Variants in CUEDC2 observed in about 807,000 individuals in gnomAD.
CUEDC2 encodes the protein CUE domain-containing protein 2.
In CUEDC2, 10 loss-of-function variants were observed where a neutral mutation model predicts 36.0. The observed-to-expected ratio is 0.28, with a 90% CI of 0.17 to 0.47. CUEDC2 has a LOEUF of 0.47. CUEDC2 is among the 20% of genes least tolerant of loss of function. The pLI is 0.99. For synonymous variants in CUEDC2, 133 were observed against 141.8 expected (o/e 0.94, Z 0.44); for missense variants, 269 against 368.1 (o/e 0.73, Z 2.20).
At chr10:102,432,223 G>T (rs1024355803) in intron 1 of CUEDC2, among the ~76,000 whole-genome samples, 1 of 152,188 alleles carries the variant, frequency 6.6e-6, no homozygotes, top group Non-Finnish European at 1.5e-5. Context: ...CACAGGAAGT[G>T]GGACCGCGAT....
intron 1 of CUEDC2, among the ~76,000 whole-genome samples, chr10:102,429,792 T>C (rs1441437468): frequency 1.3e-5 from 2 of 148,628 alleles, no homozygotes; most frequent in African/African-American, 2.5e-5. Context: ...CAAAGGCCCA[T>C]GGCTGCTGCA....
At position 102,423,366 on chromosome 10, in the gene CUEDC2, G is replaced by A. The variant is rs538399204; in HGVS notation, c.*60C>T. 3 of 1,607,906 alleles carry A rather than the reference G, an allele frequency of 1.9e-6. No individual in the cohort carries two copies. Among genetic ancestry groups the A allele is most frequent in the Non-Finnish European group, 2.6e-6 (3 of 1,175,526 alleles). ...AGGGGGCCCCTGTGTAGGGGTATAG[G>A]GCTCCTGCATCCCTCTGGGATCTGA... On this transcript the variant is annotated 3_prime_UTR_variant, in exon 9 of 9. Coordinates refer to ENST00000369937, the MANE Select transcript of CUEDC2 (RefSeq NM_024040.3). The surrounding 1 kb of genome is among the most constrained non-coding windows in gnomAD (Gnocchi z 5.6).
intron 1 of CUEDC2, among the ~76,000 whole-genome samples, chr10:102,432,134 T>C (rs2061618764): frequency 6.6e-6 from 1 of 152,046 alleles, no homozygotes; most frequent in Non-Finnish European, 1.5e-5. Context: ...AGTCAGACCT[T>C]AGAGGCACCA....
rs2061590689 is a variant in CUEDC2, at chr10:102,424,991, G to A, written c.74+124C>T. ...AAAGGTGACAGGGACAGGATGAGAG[G>A]TAAGGCCTCTCAGCAAATCCTAGTC... On this transcript the variant is annotated intron_variant, in intron 2 of 8. Transcript: ENST00000369937. The surrounding 1 kb of genome is among the most constrained non-coding windows in gnomAD (Gnocchi z 4.2). 6.1e-6 allele frequency: 6 copies of A among 976,278 alleles called. No homozygotes were observed. In the Admixed American group the frequency reaches 8.3e-5, roughly 13 times the overall value. The allele number at this position is 976,278 out of a possible 1,614,324, so 60.5% of individuals were successfully genotyped here. A position where few individuals can be genotyped will look rare whatever the true frequency, so the allele number is the denominator to read the frequency against.
intron 2 of CUEDC2, 24 bp downstream of exon 2, chr10:102,425,091 G>A (rs760866177): frequency 6.2e-7 from 1 of 1,602,466 alleles, no homozygotes; most frequent in East Asian, 2.2e-5. Flanking sequence ...ACTGACATGA[G>A]CCTTCCGGGG....
At chr10:102,430,936 T>C (rs945713997) in intron 1 of CUEDC2, among the ~76,000 whole-genome samples, 3 of 152,198 alleles carry the variant, frequency 2.0e-5, no homozygotes, top group Admixed American at 6.5e-5. Flanking sequence ...TTAGAGATCA[T>C]TGGTTGATGG....
rs1471019718 is a variant in CUEDC2 at position 102,425,163 on chromosome 10, G to A, written c.26C>T (p.Ala9Val). The A allele has an allele frequency of 9.9e-6, 16 of 1,613,726 alleles. No individual in the cohort carries two copies. Among genetic ancestry groups the A allele is most frequent in the South Asian group, 1.1e-5 (1 of 91,090 alleles). The change falls in exon 2 of 9, where the codon GCA becomes GTA. Residue 9 changes from alanine to valine, a missense_variant. Transcript: ENST00000369937. The stretch of plus-strand genomic sequence containing the variant: ...TGTCTGGACAAAGGCAAGGAGGGCT[G>A]CACTGACGATCCTCTCCAGCTCCAT... MELERIVS[A>V]ALLAFVQTHL...
At chr10:102,428,067 G>A (rs1461631579) in intron 1 of CUEDC2, among the ~76,000 whole-genome samples, 3 of 151,926 alleles carry the variant, frequency 2.0e-5, no homozygotes, top group Non-Finnish European at 2.9e-5. Flanking sequence ...TCAGCCTCCC[G>A]AGTAACTGGG....
chr10:102,425,466 C>T (rs894426053), intron 1 of CUEDC2, among the ~76,000 whole-genome samples: 21 of 136,892 alleles, frequency 1.5e-4, no homozygotes, highest in Non-Finnish European at 4.7e-5. Context: ...CACCCCCCTA[C>T]CCCATTCCCC....
In CUEDC2 at chr10:102,423,431, G is replaced by C; in HGVS notation, c.859C>G (p.His287Asp). 6.2e-7 allele frequency: 1 copy of C among 1,614,228 alleles called. No homozygotes were observed. Among genetic ancestry groups the C allele is most frequent in the Non-Finnish European group, 8.5e-7 (1 of 1,180,040 alleles). ...NLKPARKYRF[H>D] is the part of the protein sequence containing the mutation. ...GGCAGAGTCCGGCGAGTGCCTCAATGGAAGCGGTACTTTCTGGCTGGCTTG... is the reference window on the plus strand; with the variant it reads ...GGCAGAGTCCGGCGAGTGCCTCAATCGAAGCGGTACTTTCTGGCTGGCTTG... Residue 287 changes from histidine (H) to aspartate (D), a missense_variant, in exon 9 of 9, where the codon CAT (histidine) becomes GAT (aspartate). Transcript: ENST00000369937. This position sits in a 1 kb window ranked among gnomAD's most constrained non-coding sequence, Gnocchi z 5.6.
At position 102,424,046 on chromosome 10, in the gene CUEDC2, G is replaced by A. The variant is rs2061585658; in HGVS notation, c.544C>T (p.Leu182=). 6.2e-7 allele frequency: 1 copy of A among 1,614,006 alleles called. No homozygotes were observed. Among genetic ancestry groups the A allele is most frequent in the Non-Finnish European group, 8.5e-7 (1 of 1,180,008 alleles). ...GGCCCCTCTTCCTTTCCCTCTACCA[G>A]CATCTGCACAGCTTCTTCCAAGTCC... ...RGDLEEAVQM[L]VEGKEEGPAA... is the part of the protein sequence containing the mutation. Residue 182 remains leucine, a synonymous_variant, in exon 6 of 9, where the codon CTG becomes TTG. Transcript: ENST00000369937. The surrounding 1 kb of genome is among the most constrained non-coding windows in gnomAD (Gnocchi z 4.2).
In CUEDC2 at chr10:102,424,167, A is replaced by G. The variant is rs1473908386; in HGVS notation, c.423T>C (p.Ala141=). ...CCACCCCTGGCAGAAGCTCCTCCTC[A>G]GCGCCAGTTGCCTAAGGGTACAAAC... ...AADTQDEATG[A]EEELLPGVDV... is the part of the protein sequence containing the mutation. The change falls in exon 6 of 9, where the codon GCT becomes GCC. Residue 141 remains alanine, a synonymous_variant. Transcript: ENST00000369937. This position sits in a 1 kb window ranked among gnomAD's most constrained non-coding sequence, Gnocchi z 4.2. 6.8e-6 allele frequency: 11 copies of G among 1,613,862 alleles called. No individual in the cohort carries two copies. The highest frequency in any genetic ancestry group is 9.3e-6 in the Non-Finnish European group (11 of 1,179,880).
At position 102,423,375 on chromosome 10, in the gene CUEDC2, A is replaced by C; in HGVS notation, c.*51T>G. ...CTGTGTAGGGGTATAGGGCTCCTGC[A>C]TCCCTCTGGGATCTGAGCCTAGAAG... On this transcript the variant is annotated 3_prime_UTR_variant, in exon 9 of 9. Coordinates refer to ENST00000369937, the MANE Select transcript of CUEDC2 (RefSeq NM_024040.3). The surrounding 1 kb of genome is among the most constrained non-coding windows in gnomAD (Gnocchi z 5.6). 1.2e-6 allele frequency: 2 copies of C among 1,612,080 alleles called. No individual in the cohort carries two copies. Among genetic ancestry groups the C allele is most frequent in the Middle Eastern group, 3.5e-4 (2 of 5,670 alleles).
intron 1 of CUEDC2, among the ~76,000 whole-genome samples, chr10:102,431,398 T>C (rs1006768784): frequency 1.3e-5 from 2 of 152,122 alleles, no homozygotes; most frequent in Non-Finnish European, 2.9e-5. Flanking sequence ...CCCGCCTCGG[T>C]CTCCCAAAGT....
chr10:102,424,753 G>T lies in CUEDC2; in HGVS notation c.114C>A (p.Val38=). The T allele has an allele frequency of 6.2e-7, 1 of 1,613,968 alleles. No homozygotes were observed. Among genetic ancestry groups the T allele is most frequent in the South Asian group, 1.1e-5 (1 of 91,078 alleles). The change falls in exon 3 of 9, where the codon GTC becomes GTA. Residue 38 remains valine, a synonymous_variant. Transcript: ENST00000369937. This position sits in a 1 kb window ranked among gnomAD's most constrained non-coding sequence, Gnocchi z 4.2. ...DEVIFSYVLG[V]LEDLGPSGPS... is the part of the protein sequence containing the mutation. ...GGCCCGAGGGGCCCAGGTCCTCCAG[G>T]ACCCCAAGCACATAGGAGAAGATGA...
intron 1 of CUEDC2, among the ~76,000 whole-genome samples, chr10:102,431,085 C>T (rs2135473987): frequency 6.6e-6 from 1 of 152,344 alleles, no homozygotes; most frequent in South Asian, 2.1e-4. Context: ...CTAATCCTTA[C>T]AATAACTCTA....
chr10:102,427,647 C>T (rs72845696), intron 1 of CUEDC2, among the ~76,000 whole-genome samples: 26,912 of 152,092 alleles, frequency 0.18, 3,032 homozygotes, highest in South Asian at 0.33. Flanking sequence ...ATCTCTACTC[C>T]CACTTTTCTC....
chr10:102,426,882 G>A (rs2061598708), intron 1 of CUEDC2, among the ~76,000 whole-genome samples: 1 of 151,722 alleles, frequency 6.6e-6, no homozygotes, highest in Non-Finnish European at 1.5e-5. Context: ...GGCTGGTCTC[G>A]AACTCCTGGG....
chr10:102,429,021 C>CAAA (rs11352968), intron 1 of CUEDC2, among the ~76,000 whole-genome samples: 2 of 102,158 alleles, frequency 2.0e-5, no homozygotes. Flanking sequence ...GACTTTGTCT[C>CAAA]AAAAAAAAAA....
Sources: gnomAD v4.1 joint callset for allele counts (sites outside exome capture counted in the v4.1 genomes callset) on GRCh38, gnomAD v4.1.1 for gene constraint, Gnocchi (gnomAD v3.1) non-coding constraint, MANE v1.5 for transcripts, NCBI Gene and HGNC (gene_info 2026-07-23, HGNC 2026-07-21) for gene names.